CFTR: variants seen among roughly 807,000 people sequenced by gnomAD.
The protein encoded by CFTR is cystic fibrosis transmembrane conductance regulator.
In CFTR, 181 loss-of-function variants were observed where a neutral mutation model predicts 171.6. The observed-to-expected ratio is 1.05, with a 90% CI of 0.93 to 1.19. The LOEUF (loss-of-function observed/expected upper bound fraction) is 1.19. Ranked by LOEUF, CFTR falls within the 50% of genes most tolerant of loss-of-function variation. The probability of loss-of-function intolerance (pLI) is 0.00; values close to 1 mark genes in which losing one functional copy is unlikely to be tolerated. For synonymous variants in CFTR, 583 were observed against 608.0 expected (o/e 0.96, Z 0.60); for missense variants, 1,968 against 1,734.7 (o/e 1.13, Z -2.39).
intron 20 of CFTR, among the ~76,000 whole-genome samples, chr7:117,613,145 C>T (rs1273031350): frequency 6.6e-6 from 1 of 152,120 alleles, no homozygotes; most frequent in Non-Finnish European, 1.5e-5. Context: ...TTTTAAGCAA[C>T]TTTAAAAAAT....
At chr7:117,532,515 G>T (rs535719942) in intron 4 of CFTR, among the ~76,000 whole-genome samples, 1 of 152,248 alleles carries the variant, frequency 6.6e-6, no homozygotes, top group Non-Finnish European at 1.5e-5. Context: ...TCTCTAAACT[G>T]GAGGGTTGTC....
intron 1 of CFTR, among the ~76,000 whole-genome samples, chr7:117,486,345 A>G (rs1481723210): frequency 5.3e-5 from 8 of 152,124 alleles, no homozygotes; most frequent in Admixed American, 6.5e-5. Context: ...GACGTTAAGA[A>G]GGTAGAGGTG....
intron 3 of CFTR, among the ~76,000 whole-genome samples, chr7:117,509,346 T>G (rs974340753): frequency 2.6e-5 from 4 of 152,146 alleles, no homozygotes; most frequent in Non-Finnish European, 5.9e-5. Flanking sequence ...GGGTGGCAAT[T>G]TACAATCTCA....
intron 21 of CFTR, among the ~76,000 whole-genome samples, chr7:117,624,416 G>A (rs1321674387): frequency 2.0e-5 from 3 of 152,046 alleles, no homozygotes; most frequent in Non-Finnish European, 4.4e-5. Context: ...GCCCCTGAGG[G>A]GTAAAAAGAT....
At chr7:117,655,147 A>T in intron 24 of CFTR, among the ~76,000 whole-genome samples, 1 of 152,190 alleles carries the variant, frequency 6.6e-6, no homozygotes, top group African/African-American at 2.4e-5. Context: ...CACAATATGG[A>T]TAGGCTGAGA....
chr7:117,552,075 T>TAC (rs1020572079), intron 10 of CFTR, among the ~76,000 whole-genome samples: 1 of 152,014 alleles, frequency 6.6e-6, no homozygotes, highest in African/African-American at 2.4e-5. Context: ...TATATATATA[T>TAC]ACACACACAC....
chr7:117,507,385 C>T (rs1262751222), intron 2 of CFTR, among the ~76,000 whole-genome samples: 4 of 152,230 alleles, frequency 2.6e-5, no homozygotes, highest in Non-Finnish European at 4.4e-5. Flanking sequence ...CCTAAAACTA[C>T]ATTGCCCAGG....
At chr7:117,489,351 G>A (rs1208873646) in intron 1 of CFTR, among the ~76,000 whole-genome samples, 5 of 152,044 alleles carry the variant, frequency 3.3e-5, no homozygotes, top group South Asian at 2.1e-4. Flanking sequence ...GAATAAGTAT[G>A]TAATATTGTT....
At position 117,518,569 on chromosome 7, in the gene CFTR, C is replaced by CATATATAT. The variant is rs72291298; in HGVS notation, c.273+9440_273+9447dup. On this transcript the variant is annotated intron_variant, in intron 3 of 26. Coordinates refer to ENST00000003084, the MANE Select transcript of CFTR (RefSeq NM_000492.4). ...TACATATAGAAAACATATATAAAAA[C>CATATATAT]ATATATATATATATATATATGTGTG... is the stretch of plus-strand genomic sequence containing the variant. 9.8e-3 allele frequency among the ~76,000 whole-genome samples: 1,393 copies of CATATATAT among 142,058 alleles called. 26 individuals carry two copies. Among genetic ancestry groups the CATATATAT allele is most frequent in the African/African-American group, 0.034 (1,319 of 38,576 alleles). The allele number at this position is 142,058 out of a possible 152,430, so 93.2% of individuals were successfully genotyped here.
intron 11 of CFTR, among the ~76,000 whole-genome samples, chr7:117,569,594 A>G (rs1791657608): frequency 6.6e-6 from 1 of 152,202 alleles, no homozygotes; most frequent in African/African-American, 2.4e-5. Flanking sequence ...TGACTAAATA[A>G]CAGTATGAGG....
At chr7:117,548,394 T>C (rs1799199379) in intron 9 of CFTR, among the ~76,000 whole-genome samples, 1 of 144,666 alleles carries the variant, frequency 6.9e-6, no homozygotes, top group African/African-American at 2.6e-5. Flanking sequence ...ATGTATTCAG[T>C]CTTTACTGAA....
chr7:117,654,916 T>C (rs1451136643), intron 24 of CFTR, among the ~76,000 whole-genome samples: 4 of 152,174 alleles, frequency 2.6e-5, no homozygotes, highest in Non-Finnish European at 4.4e-5. Flanking sequence ...CTCTGAACTA[T>C]GATGGGAAAG....
chr7:117,547,057 T>C (rs755558213), intron 9 of CFTR, among the ~76,000 whole-genome samples: 3 of 152,210 alleles, frequency 2.0e-5, no homozygotes, highest in Non-Finnish European at 4.4e-5. Flanking sequence ...ACAGAGATTA[T>C]ACTCAATAAA....
intron 2 of CFTR, among the ~76,000 whole-genome samples, chr7:117,508,635 C>G (rs1036341899): frequency 6.6e-6 from 1 of 152,132 alleles, no homozygotes; most frequent in Non-Finnish European, 1.5e-5. Flanking sequence ...CAGTTCTAAA[C>G]CAATAAAGAT....
chr7:117,625,261 C>A (rs1199640993), intron 21 of CFTR, among the ~76,000 whole-genome samples: 1 of 152,150 alleles, frequency 6.6e-6, no homozygotes, highest in East Asian at 1.9e-4. Flanking sequence ...CATTAAGCAG[C>A]TAGACAGACA....
chr7:117,493,811 A>C (rs1006058603), intron 1 of CFTR, among the ~76,000 whole-genome samples: 2 of 152,032 alleles, frequency 1.3e-5, no homozygotes, highest in African/African-American at 4.8e-5. Context: ...GCCACCAAGA[A>C]CCCAATTCCA....
chr7:117,530,214 A>G (rs1346573491), intron 3 of CFTR, among the ~76,000 whole-genome samples: 1 of 152,106 alleles, frequency 6.6e-6, no homozygotes, highest in Non-Finnish European at 1.5e-5. Context: ...GCTGCTGGCA[A>G]AACTCCTTCC....
At chr7:117,537,836 T>C (rs1183206917) in intron 7 of CFTR, among the ~76,000 whole-genome samples, 1 of 152,172 alleles carries the variant, frequency 6.6e-6, no homozygotes, top group Non-Finnish European at 1.5e-5. Context: ...CATTAACAAG[T>C]GAGTGCTCCA....
intron 21 of CFTR, among the ~76,000 whole-genome samples, chr7:117,618,778 T>C (rs920339680): frequency 4.6e-5 from 7 of 152,148 alleles, no homozygotes; most frequent in African/African-American, 7.2e-5. Context: ...ATTTGGCAGG[T>C]TGGATAAAAA....
Sources: allele counts gnomAD v4.1 joint callset (sites outside exome capture counted in the v4.1 genomes callset), GRCh38; gene constraint gnomAD v4.1.1; transcripts MANE v1.5; gene names NCBI Gene and HGNC (gene_info 2026-07-23, HGNC 2026-07-21).